Variants in VRK1 observed in about 807,000 individuals in gnomAD.
The protein encoded by VRK1 is VRK serine/threonine kinase 1.
VRK1 carries 33 observed loss-of-function variants against 57.1 expected under a neutral mutation model. The ratio of observed to expected loss-of-function variants is 0.58; its 90% confidence interval spans 0.44 to 0.77. The LOEUF (loss-of-function observed/expected upper bound fraction) is 0.77, where lower values mean the gene tolerates loss of function less well. Among genes scored for constraint, VRK1 ranks in the 30% least tolerant of loss-of-function variants. The probability of loss-of-function intolerance (pLI) is 0.00; values close to 1 mark genes in which losing one functional copy is unlikely to be tolerated. For missense variants in VRK1, 413 were observed against 477.3 expected, an observed-to-expected ratio of 0.87 and a Z score of 1.25; for synonymous variants, 137 against 147.8, an observed-to-expected ratio of 0.93 and a Z score of 0.53.
chr14:96,805,495 C>A (rs998402146), intron 1 of VRK1, among the ~76,000 whole-genome samples: 1 of 152,156 alleles, frequency 6.6e-6, no homozygotes, highest in East Asian at 1.9e-4. Context: ...GTTTCTTTCT[C>A]CATGCAAATT....
intron 7 of VRK1, 81 bp from the exon 8 acceptor site, chr14:96,855,143 A>C: frequency 6.2e-7 from 1 of 1,606,342 alleles, no homozygotes; most frequent in Non-Finnish European, 8.5e-7. Flanking sequence ...TTCAGATGCC[A>C]GTATTTTGTT....
At chr14:96,851,215 A>C (rs1887933692) in intron 5 of VRK1, among the ~76,000 whole-genome samples, 1 of 151,414 alleles carries the variant, frequency 6.6e-6, no homozygotes, top group South Asian at 2.1e-4. Context: ...ATCTTGGCTC[A>C]CTGCAATCTC....
chr14:96,876,746 A>G (rs868264765), intron 12 of VRK1, among the ~76,000 whole-genome samples: 12 of 148,992 alleles, frequency 8.1e-5, no homozygotes, highest in African/African-American at 2.7e-4. Context: ...TTAAAGCTTT[A>G]TGGATGATCA....
chr14:96,817,869 T>C (rs1886454104), intron 1 of VRK1, among the ~76,000 whole-genome samples: 1 of 152,220 alleles, frequency 6.6e-6, no homozygotes, highest in Admixed American at 6.5e-5. Flanking sequence ...TTTGAGCTCT[T>C]CTCATGGGCC....
chr14:96,817,005 G>A (rs540636470), intron 1 of VRK1, among the ~76,000 whole-genome samples: 3 of 152,290 alleles, frequency 2.0e-5, no homozygotes, highest in Admixed American at 6.5e-5. Flanking sequence ...CCTGTTAAAA[G>A]TATTTACATA....
chr14:96,847,223 A>T (rs768611017), intron 4 of VRK1, 34 bp from the exon 5 acceptor site: 5 of 1,567,670 alleles, frequency 3.2e-6, no homozygotes, highest in Non-Finnish European at 4.4e-6. Context: ...TATGTATAAC[A>T]ATTGAAATCA....
chr14:96,856,483 C>G, intron 9 of VRK1, 45 bp from the exon 10 acceptor site: 1 of 1,477,540 alleles, frequency 6.8e-7, no homozygotes, highest in East Asian at 2.3e-5. Flanking sequence ...TTCATATTAA[C>G]ATATGACATC....
At chr14:96,864,590 CAT>C (rs565695235) in intron 11 of VRK1, among the ~76,000 whole-genome samples, 20 of 152,196 alleles carry the variant, frequency 1.3e-4, no homozygotes, top group African/African-American at 4.1e-4. Flanking sequence ...TGGGGGGAAA[CAT>C]GTACATTTAT....
chr14:96,798,610 G>A (rs1885536250), intron 1 of VRK1, among the ~76,000 whole-genome samples: 1 of 151,892 alleles, frequency 6.6e-6, no homozygotes, highest in South Asian at 2.1e-4. Context: ...CCCATCTGTT[G>A]AGACTGAAAT....
intron 11 of VRK1, 161 bp downstream of exon 11, chr14:96,860,896 GA>G (rs1888365544): frequency 3.3e-6 from 2 of 608,910 alleles, no homozygotes; most frequent in Non-Finnish European, 5.5e-6. Flanking sequence ...GAGGGTTGTA[GA>G]AAAATAAATA....
intron 12 of VRK1, among the ~76,000 whole-genome samples, chr14:96,878,771 G>T (rs1595693433): frequency 6.6e-6 from 1 of 152,284 alleles, no homozygotes; most frequent in East Asian, 1.9e-4. Flanking sequence ...ATTTTTACCA[G>T]TTGAGAAAAT....
chr14:96,860,716 A>G lies in VRK1; in HGVS notation c.1049A>G (p.Lys350Arg), dbSNP rs1278432860. The part of the protein sequence containing the change: ...DLSVVENGGL[K>R]AKTITKKRKK... ...AGTGTTGTGGAGAATGGAGGTTTGAAAGCAAAAACAATAACAAAGGTGAAT... is the reference window on the plus strand; with the variant it reads ...AGTGTTGTGGAGAATGGAGGTTTGAGAGCAAAAACAATAACAAAGGTGAAT... The change falls in exon 11 of 13, where the codon AAA (lysine) becomes AGA (arginine). Residue 350 changes from lysine (K) to arginine (R), a missense_variant. Lys to Arg is a conservative substitution (Grantham distance 26). Around this residue, in one of 3 missense-constraint regions of VRK1, gnomAD observed 146 missense variants for 138.2 expected, o/e 1.06. Coordinates refer to ENST00000216639, the MANE Select transcript of VRK1 (RefSeq NM_003384.3). 6.2e-7 allele frequency: 1 copy of G among 1,613,018 alleles called. No homozygotes were observed. The highest frequency in any genetic ancestry group is 8.5e-7 in the Non-Finnish European group (1 of 1,179,372).
At chr14:96,856,702 C>G in intron 10 of VRK1, 116 bp downstream of exon 10, 1 of 885,068 alleles carries the variant, frequency 1.1e-6, no homozygotes, top group Non-Finnish European at 1.8e-6. Context: ...GGCATGGTGG[C>G]TCACACCTGT....
At chr14:96,831,194 C>T (rs1032557731) in intron 1 of VRK1, among the ~76,000 whole-genome samples, 1 of 152,188 alleles carries the variant, frequency 6.6e-6, no homozygotes, top group Non-Finnish European at 1.5e-5. Flanking sequence ...GTTGCTGATA[C>T]CACACAGATC....
chr14:96,834,037 G>C (rs1164582289), intron 2 of VRK1, among the ~76,000 whole-genome samples: 2 of 152,022 alleles, frequency 1.3e-5, no homozygotes, highest in Non-Finnish European at 2.9e-5. Context: ...TTCTTTCAGT[G>C]CAACCCTCTT....
chr14:96,875,994 G>A, intron 11 of VRK1, 36 bp from the exon 12 acceptor site: 1 of 1,594,180 alleles, frequency 6.3e-7, no homozygotes, highest in East Asian at 2.2e-5. Flanking sequence ...TTGACTGTCA[G>A]ATATCTCTCT....
At chr14:96,880,314 G>T (rs968306132) in intron 12 of VRK1, among the ~76,000 whole-genome samples, 1 of 151,830 alleles carries the variant, frequency 6.6e-6, no homozygotes. Flanking sequence ...TTGATCTTTT[G>T]TTTTTTTTCG....
intron 1 of VRK1, among the ~76,000 whole-genome samples, chr14:96,827,506 T>G (rs1343538113): frequency 6.6e-6 from 1 of 152,118 alleles, no homozygotes; most frequent in Admixed American, 6.5e-5. Context: ...CAGTATCTCG[T>G]GGGCAGCAGA....
chr14:96,799,326 CT>C lies in VRK1; in HGVS notation c.-6+1889del, dbSNP rs139450664. Among the ~76,000 whole-genome samples, 114 of 147,170 alleles carry C rather than the reference CT, an allele frequency of 7.7e-4. 2 individuals are homozygous for C. Among genetic ancestry groups the C allele is most frequent in the African/African-American group, 1.3e-3 (53 of 40,348 alleles). ...AAATTTCTTAAAGGAAATAGGCCAG[CT>C]TTTTTTTTTAACTTTGAGAACTAAT... is the stretch of plus-strand genomic sequence containing the variant. On this transcript the variant is annotated intron_variant, in intron 1 of 12. Coordinates refer to ENST00000216639, the MANE Select transcript of VRK1 (RefSeq NM_003384.3).
Sources: gnomAD v4.1 joint callset for allele counts (sites outside exome capture counted in the v4.1 genomes callset) on GRCh38, gnomAD v4.1.1 for gene constraint, gnomAD v4.1.1 regional missense constraint, MANE v1.5 for transcripts, NCBI Gene and HGNC (gene_info 2026-07-23, HGNC 2026-07-21) for gene names.